The following MSRA variants were observed in gnomAD, a reference collection of about 807,000 sequenced individuals.
MSRA encodes mitochondrial peptide methionine sulfoxide reductase.
In MSRA, 54 loss-of-function variants were observed where a neutral mutation model predicts 31.3. That is an observed-to-expected ratio of 1.73 (90% CI 1.39 to 2.17). The LOEUF (loss-of-function observed/expected upper bound fraction) is 2.17. Among genes scored for constraint, MSRA ranks in the 30% most tolerant of loss-of-function variants. The pLI, the probability that MSRA is intolerant of heterozygous loss-of-function variation, is 0.00. For missense variants in MSRA, 507 were observed against 300.9 expected (o/e 1.69, Z -5.07); for synonymous variants, 169 against 116.5 (o/e 1.45, Z -2.90).
chr8:10,215,865 C>T lies in MSRA; in HGVS notation c.211+7964C>T, dbSNP rs143652748. Among the ~76,000 whole-genome samples the T allele has an allele frequency of 2.1e-3, 319 of 152,218 alleles. 1 individual carries two copies. Among genetic ancestry groups the T allele is most frequent in the African/African-American group, 7.3e-3 (302 of 41,536 alleles). On this transcript the variant is annotated intron_variant, in intron 2 of 5. Transcript: ENST00000317173. The stretch of plus-strand genomic sequence containing the variant: ...CGTTTTTTCCTTTAAGTTTTGACAA[C>T]GAGAAAGATTTATTTTACAAATGTG...
At chr8:10,135,343 C>A (rs1802196770) in intron 1 of MSRA, among the ~76,000 whole-genome samples, 2 of 152,174 alleles carry the variant, frequency 1.3e-5, no homozygotes, top group Admixed American at 6.5e-5. Flanking sequence ...CAAAAGAAAT[C>A]CCAGTTTACT....
chr8:10,335,126 C>T (rs958163497), intron 5 of MSRA, among the ~76,000 whole-genome samples: 1 of 152,214 alleles, frequency 6.6e-6, no homozygotes, highest in Admixed American at 6.5e-5. Flanking sequence ...CCCAGCTGTC[C>T]AGAAACGGTC....
chr8:10,352,101 C>T lies in MSRA; in HGVS notation c.543+32112C>T, dbSNP rs112771667. Among the ~76,000 whole-genome samples, 565 of 152,266 alleles carry T rather than the reference C, an allele frequency of 3.7e-3. 2 individuals carry two copies. Among genetic ancestry groups the T allele is most frequent in the Middle Eastern group, 6.8e-3 (2 of 294 alleles). ...AGCTGGATGAAATAGCTTCCTAGCTCCTGATTGATCATTGGGCATCAGCTA... is the reference window on the plus strand; with the variant it reads ...AGCTGGATGAAATAGCTTCCTAGCTTCTGATTGATCATTGGGCATCAGCTA... On this transcript the variant is annotated intron_variant, in intron 5 of 5. Transcript: ENST00000317173.
At chr8:10,388,533 G>C (rs983936109) in intron 5 of MSRA, among the ~76,000 whole-genome samples, 6 of 152,132 alleles carry the variant, frequency 3.9e-5, no homozygotes, top group Admixed American at 3.9e-4. Context: ...TCCTGCGTGA[G>C]CTTCGAAAAA....
At chr8:10,134,485 C>T (rs550544756) in intron 1 of MSRA, among the ~76,000 whole-genome samples, 10 of 152,196 alleles carry the variant, frequency 6.6e-5, no homozygotes, top group South Asian at 2.1e-4. Context: ...ACACGGTGAC[C>T]GTGGGGCACA....
intron 3 of MSRA, among the ~76,000 whole-genome samples, chr8:10,297,654 ATAAAG>A (rs1469383117): frequency 7.9e-5 from 12 of 152,338 alleles, no homozygotes; most frequent in African/African-American, 1.9e-4. Flanking sequence ...CTTTGGAGAA[ATAAAG>A]TAAAGAAACT....
chr8:10,339,899 A>G (rs1176460449), intron 5 of MSRA, among the ~76,000 whole-genome samples: 2 of 152,068 alleles, frequency 1.3e-5, no homozygotes, highest in East Asian at 1.9e-4. Context: ...TAAGGACCCT[A>G]TGGTCTGCCC....
intron 5 of MSRA, among the ~76,000 whole-genome samples, chr8:10,397,107 T>C (rs1320541413): frequency 6.6e-6 from 1 of 152,242 alleles, no homozygotes; most frequent in Non-Finnish European, 1.5e-5. Flanking sequence ...TTAGCAACTA[T>C]ATAGGACTCT....
chr8:10,296,528 G>T (rs1800552467), intron 3 of MSRA, among the ~76,000 whole-genome samples: 1 of 152,164 alleles, frequency 6.6e-6, no homozygotes, highest in African/African-American at 2.4e-5. Context: ...TTGGAATGAT[G>T]GTTTAAGCTA....
rs112026847 is a variant in MSRA at position 10,311,446 on chromosome 8, G to T, written c.437-8437G>T. On this transcript the variant is annotated intron_variant, in intron 4 of 5. Coordinates refer to ENST00000317173, the MANE Select transcript of MSRA (RefSeq NM_012331.5). ...ACACAATTCCAGCACTTGACCCAGTGGACATAAGATGCTGTACCCCACACC... is the reference window on the plus strand; with the variant it reads ...ACACAATTCCAGCACTTGACCCAGTTGACATAAGATGCTGTACCCCACACC... Among the ~76,000 whole-genome samples, 1,237 of 151,376 alleles carry T rather than the reference G, an allele frequency of 8.2e-3. 11 individuals are homozygous for T. Among genetic ancestry groups the T allele is most frequent in the Non-Finnish European group, 0.011 (773 of 67,800 alleles).
In MSRA at chr8:10,421,336, G is replaced by A. The variant is rs77430292; in HGVS notation, c.544-6812G>A. 4.9e-4 allele frequency among the ~76,000 whole-genome samples: 75 copies of A among 152,278 alleles called. 1 individual carries two copies. In the East Asian group the frequency reaches 0.014, roughly 28 times the overall value. ...ACATTTTAGTCAATGGAAGGTTCAC[G>A]TGAATAGAGGGTGGAAGCCCTTTGG... is the stretch of plus-strand genomic sequence containing the variant. On this transcript the variant is annotated intron_variant, in intron 5 of 5. Transcript: ENST00000317173.
chr8:10,256,905 A>G lies in MSRA; in HGVS notation c.331+11682A>G, dbSNP rs117055673. ...CTTCTCCTGCCCCAAATGGCTACCA[A>G]GGTGGGTCCAGAAGAAACTCTCAGA... On this transcript the variant is annotated intron_variant, in intron 3 of 5. Coordinates refer to ENST00000317173, the MANE Select transcript of MSRA (RefSeq NM_012331.5). Among the ~76,000 whole-genome samples, 1,224 of 152,304 alleles carry G rather than the reference A, an allele frequency of 8.0e-3. 11 individuals carry two copies. The highest frequency in any genetic ancestry group is 0.043 in the South Asian group (207 of 4,816).
intron 5 of MSRA, among the ~76,000 whole-genome samples, chr8:10,343,174 T>G (rs1803549431): frequency 6.6e-6 from 1 of 152,208 alleles, no homozygotes; most frequent in South Asian, 2.1e-4. Context: ...TCTCTTGGTC[T>G]CAATTGTTCC....
At chr8:10,175,171 G>A (rs1429417422) in intron 1 of MSRA, among the ~76,000 whole-genome samples, 1 of 151,856 alleles carries the variant, frequency 6.6e-6, no homozygotes, top group Non-Finnish European at 1.5e-5. Flanking sequence ...GGAGCACCTG[G>A]CACTCATGAG....
chr8:10,420,596 T>C (rs1267236992), intron 5 of MSRA, among the ~76,000 whole-genome samples: 21 of 152,152 alleles, frequency 1.4e-4, no homozygotes, highest in Non-Finnish European at 1.5e-5. Context: ...TCTTTCCATA[T>C]GGTCTCGGAT....
At chr8:10,420,077 T>A (rs1208642053) in intron 5 of MSRA, among the ~76,000 whole-genome samples, 4 of 152,182 alleles carry the variant, frequency 2.6e-5, no homozygotes, top group Non-Finnish European at 5.9e-5. Flanking sequence ...ATATGGCATG[T>A]ACGTAGAGTG....
At chr8:10,142,490 A>G (rs1177036570) in intron 1 of MSRA, among the ~76,000 whole-genome samples, 1 of 152,206 alleles carries the variant, frequency 6.6e-6, no homozygotes, top group Non-Finnish European at 1.5e-5. Context: ...CCATGGATCA[A>G]TCTCTAGGGA....
At chr8:10,064,740 T>C (rs1797372565) in intron 1 of MSRA, among the ~76,000 whole-genome samples, 1 of 152,198 alleles carries the variant, frequency 6.6e-6, no homozygotes, top group African/African-American at 2.4e-5. Context: ...CATTAGGTAT[T>C]TTATACTTTG....
chr8:10,185,790 C>T (rs1806990319), intron 1 of MSRA, among the ~76,000 whole-genome samples: 1 of 152,198 alleles, frequency 6.6e-6, no homozygotes, highest in Non-Finnish European at 1.5e-5. Context: ...CGGAAACCCA[C>T]TCATCTTGCA....
Sources: allele counts gnomAD v4.1 joint callset (sites outside exome capture counted in the v4.1 genomes callset), GRCh38; gene constraint gnomAD v4.1.1; transcripts MANE v1.5; gene names NCBI Gene and HGNC (gene_info 2026-07-23, HGNC 2026-07-21).